Variants in HS3ST3B1 observed in about 807,000 individuals in gnomAD.
HS3ST3B1 encodes heparan sulfate glucosamine 3-O-sulfotransferase 3B1.
HS3ST3B1 carries 13 observed loss-of-function variants against 21.3 expected under a neutral mutation model. That is an observed-to-expected ratio of 0.61 (90% CI 0.40 to 0.97). The LOEUF is 0.97. Ranked by LOEUF, HS3ST3B1 falls within the 50% of genes least tolerant of loss-of-function variation. HS3ST3B1 has a pLI of 0.00. For missense variants in HS3ST3B1, 459 were observed against 554.8 expected, an observed-to-expected ratio of 0.83 and a Z score of 1.73; for synonymous variants, 234 against 254.8, an observed-to-expected ratio of 0.92 and a Z score of 0.78.
chr17:14,329,454 G>C (rs1455662239), intron 1 of HS3ST3B1: 4 of 149,226 alleles, frequency 2.7e-5, no homozygotes, highest in Admixed American at 6.8e-5. Flanking sequence ...AAGGGAGGGA[G>C]GGAGAGAGAG....
At position 14,329,367 on chromosome 17, in the gene HS3ST3B1, A is replaced by G. The variant is rs201992268; in HGVS notation, c.555-15661A>G. ...AAAGAAAGAAAGAAAGAAAGAAAGA[A>G]AAGGAAGGAAGGAAGGAAGGAAGGA... On this transcript the variant is annotated intron_variant, in intron 1 of 1. Coordinates refer to ENST00000360954, the MANE Select transcript of HS3ST3B1 (RefSeq NM_006041.3). The G allele has an allele frequency of 9.4e-3, 1,002 of 106,064 alleles. 12 individuals carry two copies. The highest frequency in any genetic ancestry group is 0.028 in the Middle Eastern group (6 of 214). 6.6% of individuals were successfully genotyped at this position (106,064 alleles called of 1,614,324 possible).
chr17:14,339,357 C>T (rs1310031264), intron 1 of HS3ST3B1, among the ~76,000 whole-genome samples: 2 of 152,090 alleles, frequency 1.3e-5, no homozygotes, highest in South Asian at 2.1e-4. Flanking sequence ...ACTGAAATAC[C>T]TATTAGGCTA....
intron 1 of HS3ST3B1, among the ~76,000 whole-genome samples, chr17:14,334,106 T>TG (rs1317755251): frequency 6.6e-6 from 1 of 150,620 alleles, no homozygotes; most frequent in African/African-American, 2.5e-5. Flanking sequence ...CTATGGAGGA[T>TG]GGGGTATTCT....
intron 1 of HS3ST3B1, among the ~76,000 whole-genome samples, chr17:14,317,584 T>G (rs1909538394): frequency 6.6e-6 from 1 of 152,092 alleles, no homozygotes; most frequent in Admixed American, 6.5e-5. Context: ...CTGGTTGTCC[T>G]GGAAACTGAT....
intron 1 of HS3ST3B1, among the ~76,000 whole-genome samples, chr17:14,316,696 A>G (rs895197827): frequency 2.0e-5 from 3 of 152,216 alleles, no homozygotes; most frequent in Admixed American, 2.0e-4. Flanking sequence ...AACGAAGCCA[A>G]TAACTTTTTA....
intron 1 of HS3ST3B1, among the ~76,000 whole-genome samples, chr17:14,338,032 A>G (rs1910242626): frequency 6.6e-6 from 1 of 151,732 alleles, no homozygotes; most frequent in Non-Finnish European, 1.5e-5. Flanking sequence ...GCCTGATTCA[A>G]TGGGTGTGGG....
rs568291861 is a variant in HS3ST3B1, at chr17:14,334,236, G to A, written c.555-10792G>A. On this transcript the variant is annotated intron_variant, in intron 1 of 1. Coordinates refer to ENST00000360954, the MANE Select transcript of HS3ST3B1 (RefSeq NM_006041.3). The stretch of plus-strand genomic sequence containing the variant: ...AGCCTGAGTCGTTTGATTGGGAGAA[G>A]AATCTTTGCTAGATTCCAGTGTTTT... Among the ~76,000 whole-genome samples the A allele has an allele frequency of 4.0e-5, 6 of 151,742 alleles. No homozygotes were observed. In the East Asian group the frequency reaches 5.8e-4, roughly 15 times the overall value.
At chr17:14,302,186 A>G in intron 1 of HS3ST3B1, 114 bp downstream of exon 1, 1 of 1,280,478 alleles carries the variant, frequency 7.8e-7, no homozygotes, top group Non-Finnish European at 1.1e-6. Flanking sequence ...CACCCGGGGT[A>G]GGGCAGGGAA....
chr17:14,318,246 T>C (rs975460097), intron 1 of HS3ST3B1, among the ~76,000 whole-genome samples: 1 of 152,116 alleles, frequency 6.6e-6, no homozygotes, highest in Non-Finnish European at 1.5e-5. Context: ...GTCTGCAGGC[T>C]GGGCCCTGCC....
At chr17:14,310,512 T>G (rs189491390) in intron 1 of HS3ST3B1, among the ~76,000 whole-genome samples, 2 of 152,308 alleles carry the variant, frequency 1.3e-5, no homozygotes, top group African/African-American at 4.8e-5. Flanking sequence ...AAAGGGCACG[T>G]CGGGAAGTGC....
At chr17:14,318,305 T>C (rs1909560822) in intron 1 of HS3ST3B1, among the ~76,000 whole-genome samples, 1 of 152,126 alleles carries the variant, frequency 6.6e-6, no homozygotes, top group South Asian at 2.1e-4. Context: ...TCCCTGTCAT[T>C]CTTCCGGGAG....
In HS3ST3B1 at chr17:14,303,255, C is replaced by T. The variant is rs1209451920; in HGVS notation, c.554+1183C>T. On this transcript the variant is annotated intron_variant, in intron 1 of 1. Coordinates refer to ENST00000360954, the MANE Select transcript of HS3ST3B1 (RefSeq NM_006041.3). This position sits in a 1 kb window ranked among gnomAD's most constrained non-coding sequence, Gnocchi z 5.7. ...CTCCAGGCCCAATTAGCTTCACAGA[C>T]GCTCAAGACTTGGGAAAACAAAAGA... Among the ~76,000 whole-genome samples the T allele has an allele frequency of 6.6e-6, 1 of 152,150 alleles. No individual in the cohort carries two copies. The highest frequency in any genetic ancestry group is 1.9e-4 in the East Asian group (1 of 5,176).
rs890588875 is a variant in HS3ST3B1, at chr17:14,302,174, A to G, written c.554+102A>G. ...GGAATTGGCAGGGTTACAGCTTCGG[A>G]CCACCCGGGGTAGGGCAGGGAAACT... On this transcript the variant is annotated intron_variant, in intron 1 of 1. Coordinates refer to ENST00000360954, the MANE Select transcript of HS3ST3B1 (RefSeq NM_006041.3). The G allele has an allele frequency of 2.9e-6, 4 of 1,371,658 alleles. No individual in the cohort carries two copies. In the African/African-American group the frequency reaches 5.8e-5, roughly 20 times the overall value. 85.0% of individuals were successfully genotyped at this position (1,371,658 alleles called of 1,614,324 possible). A position where few individuals can be genotyped will look rare whatever the true frequency, so the allele number is the denominator to read the frequency against.
rs145245499 is a variant in HS3ST3B1 at position 14,325,324 on chromosome 17, G to A, written c.555-19704G>A. Among the ~76,000 whole-genome samples, 920 of 152,274 alleles carry A rather than the reference G, an allele frequency of 6.0e-3. 6 individuals carry two copies. The highest frequency in any genetic ancestry group is 9.4e-3 in the Non-Finnish European group (641 of 68,020). ...ATGAGTGTGTTAAAAACCTTATTTCGCTCATTATTAATGATGGAACCAGGC... is the reference window on the plus strand; with the variant it reads ...ATGAGTGTGTTAAAAACCTTATTTCACTCATTATTAATGATGGAACCAGGC... On this transcript the variant is annotated intron_variant, in intron 1 of 1. Transcript: ENST00000360954.
At chr17:14,344,030 G>A (rs1910474476) in intron 1 of HS3ST3B1, among the ~76,000 whole-genome samples, 1 of 151,840 alleles carries the variant, frequency 6.6e-6, no homozygotes, top group Admixed American at 6.6e-5. Context: ...CCAAGTAGCT[G>A]GGATTCCAGA....
At chr17:14,318,826 A>T (rs1909575008) in intron 1 of HS3ST3B1, among the ~76,000 whole-genome samples, 1 of 152,208 alleles carries the variant, frequency 6.6e-6, no homozygotes, top group South Asian at 2.1e-4. Flanking sequence ...CTGGAAACAG[A>T]AGTACAGAAC....
intron 1 of HS3ST3B1, among the ~76,000 whole-genome samples, chr17:14,340,806 C>T (rs563393365): frequency 6.3e-4 from 96 of 152,226 alleles, no homozygotes; most frequent in Non-Finnish European, 9.4e-4. Context: ...TGGTCTTGAA[C>T]TCCTGACCTC....
intron 1 of HS3ST3B1, among the ~76,000 whole-genome samples, chr17:14,325,497 G>A (rs1214988862): frequency 1.3e-5 from 2 of 152,152 alleles, no homozygotes; most frequent in Non-Finnish European, 2.9e-5. Context: ...GAACTTATTT[G>A]TATATCTCTG....
At chr17:14,330,697 A>G (rs1478272669) in intron 1 of HS3ST3B1, among the ~76,000 whole-genome samples, 1 of 152,012 alleles carries the variant, frequency 6.6e-6, no homozygotes, top group Non-Finnish European at 1.5e-5. Flanking sequence ...ACACTGTGCT[A>G]CCAAGGGTAC....
Sources: allele counts gnomAD v4.1 joint callset (sites outside exome capture counted in the v4.1 genomes callset), GRCh38; gene constraint gnomAD v4.1.1; non-coding constraint Gnocchi (gnomAD v3.1); transcripts MANE v1.5; gene names NCBI Gene and HGNC (gene_info 2026-07-23, HGNC 2026-07-21).